CDH1: variants seen among roughly 807,000 people sequenced by gnomAD.
CDH1 encodes the protein cadherin-1.
Under a neutral mutation model 84.5 loss-of-function variants are expected in CDH1, and 35 were observed. The ratio of observed to expected loss-of-function variants is 0.41; its 90% confidence interval spans 0.32 to 0.55. CDH1 has a LOEUF of 0.55. Among genes scored for constraint, CDH1 ranks in the 20% least tolerant of loss-of-function variants. CDH1 has a pLI of 0.19. For synonymous variants in CDH1, 417 were observed against 439.0 expected (o/e 0.95, Z 0.63); for missense variants, 994 against 1,126.6 (o/e 0.88, Z 1.68).
chr16:68,796,347 T>C (rs1960361020), intron 2 of CDH1, among the ~76,000 whole-genome samples: 1 of 152,114 alleles, frequency 6.6e-6, no homozygotes, highest in South Asian at 2.1e-4. Flanking sequence ...ACAACTCAAC[T>C]ATGGTTTGCT....
intron 3 of CDH1, 100 bp downstream of exon 3, chr16:68,801,993 TTTGTG>T: frequency 9.8e-7 from 1 of 1,024,376 alleles, no homozygotes; most frequent in Non-Finnish European, 1.5e-6. Context: ...GCTGGATGAT[TTTGTG>T]TTGTAGGGGT....
Position 68,808,759 on chromosome 16 carries a change from C to A in CDH1, c.598C>A (p.Pro200Thr), listed in dbSNP as rs1960738612. ...CATCACTGGCCAAGGAGCTGACACA[C>A]CCCCTGTTGGTGTCTTTATTATTGA... is the stretch of plus-strand genomic sequence containing the variant. Reference protein sequence around the residue: ...YSITGQGADTPPVGVFIIERE... With the variant: ...YSITGQGADTTPVGVFIIERE... The change falls in exon 5 of 16, where the codon CCC (proline) becomes ACC (threonine). Residue 200 changes from proline to threonine, a missense_variant. Physicochemically the swap from Pro to Thr is conservative, Grantham distance 38. Transcript: ENST00000261769. 6.2e-7 allele frequency: 1 copy of A among 1,614,048 alleles called. No homozygotes were observed. The highest frequency in any genetic ancestry group is 8.5e-7 in the Non-Finnish European group (1 of 1,179,922).
At chr16:68,777,872 C>T (rs1333811417) in intron 2 of CDH1, among the ~76,000 whole-genome samples, 1 of 151,930 alleles carries the variant, frequency 6.6e-6, no homozygotes, top group Non-Finnish European at 1.5e-5. Flanking sequence ...GCAGGGACTA[C>T]AGGCGCACAC....
rs886052242 is a variant in CDH1 at position 68,834,074 on chromosome 16, A to C, written c.*575A>C. 9 of 378,978 alleles carry C rather than the reference A, an allele frequency of 2.4e-5. No homozygotes were observed. The highest frequency in any genetic ancestry group is 1.9e-4 in the African/African-American group (9 of 47,718). 23.5% of individuals were successfully genotyped at this position (378,978 alleles called of 1,614,324 possible). ...CAGGCTCAAGCTATCCTTGCACCTC[A>C]GCCTCCCAAGTAGCTGGGACCACAG... On this transcript the variant is annotated 3_prime_UTR_variant, in exon 16 of 16. Transcript: ENST00000261769.
At chr16:68,786,024 T>C (rs1200234848) in intron 2 of CDH1, among the ~76,000 whole-genome samples, 3 of 152,120 alleles carry the variant, frequency 2.0e-5, no homozygotes, top group African/African-American at 7.2e-5. Context: ...AGGTGCCCCA[T>C]CTCCTTGTGG....
chr16:68,775,674 C>T (rs1372534119), intron 2 of CDH1, among the ~76,000 whole-genome samples: 1 of 152,224 alleles, frequency 6.6e-6, no homozygotes, highest in Non-Finnish European at 1.5e-5. Context: ...ACATTTCCTT[C>T]CCCTATAATA....
intron 1 of CDH1, among the ~76,000 whole-genome samples, chr16:68,737,987 T>A (rs1277784729): frequency 6.6e-6 from 1 of 152,074 alleles, no homozygotes; most frequent in Non-Finnish European, 1.5e-5. Context: ...ATTCCCGGTC[T>A]AAGGAAAGTG....
In CDH1 at chr16:68,813,384, C is replaced by G. The variant is rs982151802; in HGVS notation, c.1209C>G (p.Ala403=). 7 of 1,613,988 alleles carry G rather than the reference C, an allele frequency of 4.3e-6. No individual in the cohort carries two copies. Among genetic ancestry groups the G allele is most frequent in the Non-Finnish European group, 5.9e-6 (7 of 1,180,028 alleles). Reference sequence around the variant, plus strand: ...CACTGAAAGTGACTGATGCTGATGCCCCCAATACCCCAGCGTGGGAGGCTG... The same window carrying G: ...CACTGAAAGTGACTGATGCTGATGCGCCCAATACCCCAGCGTGGGAGGCTG... ...ITTLKVTDAD[A]PNTPAWEAVY... The change falls in exon 9 of 16, where the codon GCC becomes GCG. Residue 403 remains alanine, a synonymous_variant. Transcript: ENST00000261769.
At chr16:68,742,654 C>T (rs1457798746) in intron 2 of CDH1, 2 of 152,408 alleles carry the variant, frequency 1.3e-5, no homozygotes, top group Admixed American at 6.5e-5. Context: ...CTCCTGGCCT[C>T]AGGTGATCCG....
chr16:68,749,080 A>T (rs1962822375), intron 2 of CDH1, among the ~76,000 whole-genome samples: 2 of 152,080 alleles, frequency 1.3e-5, no homozygotes, highest in South Asian at 4.1e-4. Flanking sequence ...CAGGTGATCC[A>T]CCTGCCTTGG....
chr16:68,830,154 A>T (rs1353910208), intron 15 of CDH1, among the ~76,000 whole-genome samples: 2 of 151,270 alleles, frequency 1.3e-5, no homozygotes, highest in African/African-American at 2.4e-5. Context: ...GGGTTTCTCC[A>T]TGTTGGTCAG....
chr16:68,737,441 C>G lies in CDH1; in HGVS notation c.26C>G (p.Ser9Trp), dbSNP rs1555509646. 1 of 1,535,660 alleles carries G rather than the reference C, an allele frequency of 6.5e-7. No individual in the cohort carries two copies. The highest frequency in any genetic ancestry group is 1.2e-5 in the South Asian group (1 of 83,968). The change falls in exon 1 of 16, where the codon TCG becomes TGG. Residue 9 changes from serine (S) to tryptophan (W), a missense_variant. By Grantham distance (177) the Ser-to-Trp change is radical. This residue lies in a region of CDH1 where 203 missense variants were observed against 194.0 expected (regional missense o/e 1.05). Coordinates refer to ENST00000261769, the MANE Select transcript of CDH1 (RefSeq NM_004360.5). Reference protein sequence around the residue: MGPWSRSLSALLLLLQVSS... With the variant: MGPWSRSLWALLLLLQVSS... ...ATGGGCCCTTGGAGCCGCAGCCTCT[C>G]GGCGCTGCTGCTGCTGCTGCAGGTA...
chr16:68,780,261 T>C (rs201355304), intron 2 of CDH1, among the ~76,000 whole-genome samples: 193 of 152,192 alleles, frequency 1.3e-3, no homozygotes, highest in Non-Finnish European at 1.9e-3. Flanking sequence ...CCTCCAGCAC[T>C]CCCTCCTTAT....
chr16:68,746,528 A>C (rs1962749496), intron 2 of CDH1, among the ~76,000 whole-genome samples: 1 of 152,216 alleles, frequency 6.6e-6, no homozygotes, highest in South Asian at 2.1e-4. Flanking sequence ...TAAATACCCC[A>C]GCCAGGATGT....
chr16:68,810,223 C>T lies in CDH1; in HGVS notation c.714C>T (p.Asn238=), dbSNP rs780297063. 15 of 1,614,102 alleles carry T rather than the reference C, an allele frequency of 9.3e-6. No individual in the cohort carries two copies. The highest frequency in any genetic ancestry group is 4.4e-5 in the South Asian group (4 of 91,086). Residue 238 remains asparagine (N), a synonymous_variant, in exon 6 of 16, where the codon AAC becomes AAT. Transcript: ENST00000261769. Reference sequence around the variant, plus strand: ...TCTTCTCTCACGCTGTGTCATCCAACGGGAATGCAGTTGAGGATCCAATGG... The same window carrying T: ...TCTTCTCTCACGCTGTGTCATCCAATGGGAATGCAGTTGAGGATCCAATGG... ...YTLFSHAVSS[N]GNAVEDPMEI...
intron 1 of CDH1, among the ~76,000 whole-genome samples, chr16:68,737,876 C>T (rs1049612076): frequency 5.3e-5 from 8 of 152,144 alleles, no homozygotes; most frequent in Non-Finnish European, 1.0e-4. Flanking sequence ...AATAAAGGCA[C>T]CTGCCATGCC....
chr16:68,803,478 A>C (rs1240092722), intron 3 of CDH1, among the ~76,000 whole-genome samples: 1 of 152,144 alleles, frequency 6.6e-6, no homozygotes, highest in Non-Finnish European at 1.5e-5. Flanking sequence ...GCTCACGGCA[A>C]CGTCTGCCTC....
intron 2 of CDH1, among the ~76,000 whole-genome samples, chr16:68,759,568 C>A (rs1294571816): frequency 6.6e-6 from 1 of 150,406 alleles, no homozygotes; most frequent in South Asian, 2.1e-4. Flanking sequence ...TGGCTCACTG[C>A]AACCTCCGCC....
intron 2 of CDH1, among the ~76,000 whole-genome samples, chr16:68,752,474 G>A (rs1177149376): frequency 1.3e-5 from 2 of 152,156 alleles, no homozygotes; most frequent in East Asian, 1.9e-4. Flanking sequence ...ATAGTGCTTG[G>A]TACATAATAA....
Sources: allele counts gnomAD v4.1 joint callset (sites outside exome capture counted in the v4.1 genomes callset), GRCh38; gene constraint gnomAD v4.1.1; regional missense constraint gnomAD v4.1.1; transcripts MANE v1.5; gene names NCBI Gene and HGNC (gene_info 2026-07-23, HGNC 2026-07-21).